CNTN6: variants seen among roughly 807,000 people sequenced by gnomAD.
CNTN6 encodes the protein contactin 6.
Under a neutral mutation model 122.8 loss-of-function variants are expected in CNTN6, and 137 were observed. That is an observed-to-expected ratio of 1.12 (90% CI 0.97 to 1.29). The LOEUF (loss-of-function observed/expected upper bound fraction) is 1.29, where lower values mean the gene tolerates loss of function less well. Among genes scored for constraint, CNTN6 ranks in the 50% most tolerant of loss-of-function variants. The probability of loss-of-function intolerance (pLI) is 0.00; values close to 1 mark genes in which losing one functional copy is unlikely to be tolerated. For missense variants in CNTN6, 1,634 were observed against 1,223.4 expected (o/e 1.34, Z -5.01); for synonymous variants, 570 against 426.0 (o/e 1.34, Z -4.16).
chr3:1,318,148 ATTCTAGAGGAGT>A (rs1409108527), intron 7 of CNTN6, among the ~76,000 whole-genome samples: 1 of 151,534 alleles, frequency 6.6e-6, no homozygotes, highest in African/African-American at 2.4e-5. Flanking sequence ...AAGAAAGAAA[ATTCTAGAGGAGT>A]TTCTTTCTTA....
chr3:1,399,412 A>AT (rs1436653037), intron 20 of CNTN6, among the ~76,000 whole-genome samples: 1 of 152,132 alleles, frequency 6.6e-6, no homozygotes, highest in Admixed American at 6.6e-5. Flanking sequence ...ATAAATGACA[A>AT]GTACGTTGTA....
At chr3:1,345,467 C>G (rs993934951) in intron 11 of CNTN6, among the ~76,000 whole-genome samples, 4 of 151,968 alleles carry the variant, frequency 2.6e-5, no homozygotes, top group South Asian at 2.1e-4. Flanking sequence ...GAAAGGACAA[C>G]CTTTATTTTG....
chr3:1,271,499 G>A (rs2095026365), intron 4 of CNTN6, among the ~76,000 whole-genome samples: 1 of 152,198 alleles, frequency 6.6e-6, no homozygotes, highest in Non-Finnish European at 1.5e-5. Flanking sequence ...TCTGGTAGTG[G>A]TGATGCACCA....
chr3:1,134,912 C>T lies in CNTN6; in HGVS notation c.-82-13015C>T, dbSNP rs530081530. Among the ~76,000 whole-genome samples, 38 of 152,194 alleles carry T rather than the reference C, an allele frequency of 2.5e-4. No individual in the cohort carries two copies. The East Asian group carries it at 6.8e-3, about 27-fold the overall frequency. ...AAATCTTAGATAATATTTTAGTCCC[C>T]TGCCCTTGGAGAAATGTATCATGAG... On this transcript the variant is annotated intron_variant, in intron 1 of 22. Transcript: ENST00000446702.
chr3:1,272,235 G>A (rs2095038419), intron 4 of CNTN6, among the ~76,000 whole-genome samples: 1 of 152,146 alleles, frequency 6.6e-6, no homozygotes, highest in Admixed American at 6.5e-5. Flanking sequence ...TTTCTTCATA[G>A]CAGTATGAAA....
intron 2 of CNTN6, among the ~76,000 whole-genome samples, chr3:1,156,601 TTTC>T (rs1444680238): frequency 6.7e-6 from 1 of 150,048 alleles, no homozygotes; most frequent in East Asian, 2.0e-4. Context: ...ACTTTCTTTC[TTTC>T]TTTCTTTTTC....
rs557153360 is a variant in CNTN6 at position 1,177,720 on chromosome 3, C to G, written c.55+29657C>G. ...TTTAAAGACATCACTATGTTTTCTT[C>G]TTACATGCATGATTTCTGAAGGGAA... On this transcript the variant is annotated intron_variant, in intron 2 of 22. Coordinates refer to ENST00000446702, the MANE Select transcript of CNTN6 (RefSeq NM_001289080.2). Among the ~76,000 whole-genome samples the G allele has an allele frequency of 4.6e-5, 7 of 151,988 alleles. No homozygotes were observed. The East Asian group carries it at 1.4e-3, about 29-fold the overall frequency.
At chr3:1,347,428 A>AATGG (rs2126059301) in intron 11 of CNTN6, among the ~76,000 whole-genome samples, 1 of 152,262 alleles carries the variant, frequency 6.6e-6, no homozygotes, top group Non-Finnish European at 1.5e-5. Context: ...ACATGAGAGA[A>AATGG]ATGGCGTTAT....
intron 2 of CNTN6, among the ~76,000 whole-genome samples, chr3:1,191,239 T>C (rs2093697814): frequency 6.6e-6 from 1 of 152,044 alleles, no homozygotes; most frequent in Non-Finnish European, 1.5e-5. Flanking sequence ...AGGAGTGTCA[T>C]TTGTTCTAAT....
intron 4 of CNTN6, among the ~76,000 whole-genome samples, chr3:1,233,905 C>G (rs1350630879): frequency 6.6e-6 from 1 of 152,024 alleles, no homozygotes; most frequent in Non-Finnish European, 1.5e-5. Context: ...TGAACGAATT[C>G]TTGCACCACA....
chr3:1,098,841 G>A (rs543213786), intron 1 of CNTN6, among the ~76,000 whole-genome samples: 22 of 128,304 alleles, frequency 1.7e-4, no homozygotes, highest in Non-Finnish European at 3.0e-4. Flanking sequence ...AAGTATTCAG[G>A]TAAGGATTAA....
intron 1 of CNTN6, among the ~76,000 whole-genome samples, chr3:1,122,355 G>T (rs1041301347): frequency 1.7e-5 from 2 of 120,900 alleles, no homozygotes; most frequent in African/African-American, 3.8e-5. Flanking sequence ...AGGGAAGGAG[G>T]GAAGGAGGAA....
At chr3:1,363,313 T>C (rs1707745059) in intron 12 of CNTN6, among the ~76,000 whole-genome samples, 1 of 151,918 alleles carries the variant, frequency 6.6e-6, no homozygotes, top group Admixed American at 6.6e-5. Flanking sequence ...AGTATACAGA[T>C]ATATATATAC....
rs573436411 is a variant in CNTN6, at chr3:1,352,389, A to T, written c.1430A>T (p.Tyr477Phe). The T allele has an allele frequency of 2.5e-6, 4 of 1,606,850 alleles. No individual in the cohort carries two copies. In the East Asian group the frequency reaches 6.7e-5, roughly 27 times the overall value. Residue 477 changes from tyrosine (Y) to phenylalanine (F), a missense_variant, in exon 12 of 23, where the codon TAT becomes TTT. Coordinates refer to ENST00000446702, the MANE Select transcript of CNTN6 (RefSeq NM_001289080.2). ...YNITRSDAGS[Y>F]TCIATNQFGT... is the part of the protein sequence containing the mutation. ...ATTACCAGGTCAGATGCTGGATCAT[A>T]TACATGCATAGCCACAAATCAGTTT...
In CNTN6 at chr3:1,228,754, C is replaced by A. The variant is rs189442716; in HGVS notation, c.358+761C>A. Reference sequence around the variant, plus strand: ...GGAACCAAAAAGTGAGCTGCTATACCTGCAGGGCTCATAGAAATGTCTATA... The same window carrying A: ...GGAACCAAAAAGTGAGCTGCTATACATGCAGGGCTCATAGAAATGTCTATA... On this transcript the variant is annotated intron_variant, in intron 4 of 22. Coordinates refer to ENST00000446702, the MANE Select transcript of CNTN6 (RefSeq NM_001289080.2). 8.5e-5 allele frequency among the ~76,000 whole-genome samples: 13 copies of A among 152,272 alleles called. No homozygotes were observed. The East Asian group carries it at 1.4e-3, about 16-fold the overall frequency.
chr3:1,247,727 C>T (rs919530619), intron 4 of CNTN6, among the ~76,000 whole-genome samples: 6 of 152,104 alleles, frequency 3.9e-5, no homozygotes, highest in South Asian at 2.1e-4. Context: ...TGGGTGATTC[C>T]GTGGATTATA....
In CNTN6 at chr3:1,403,784, CCAGA is replaced by C. The variant is rs1383542279; in HGVS notation, c.*369_*372del. 1.3e-5 allele frequency: 2 copies of C among 155,598 alleles called. No homozygotes were observed. The highest frequency in any genetic ancestry group is 4.8e-5 in the African/African-American group (2 of 41,540). 9.6% of individuals were successfully genotyped at this position (155,598 alleles called of 1,614,324 possible). On this transcript the variant is annotated 3_prime_UTR_variant, in exon 23 of 23. Transcript: ENST00000446702. ...ACTCACATGTACATTTTTATGTATT[CCAGA>C]CAATCACTTCAGTATTTAAAATTTC...
chr3:1,286,744 A>G (rs573447955), intron 5 of CNTN6, among the ~76,000 whole-genome samples: 4 of 152,272 alleles, frequency 2.6e-5, no homozygotes, highest in South Asian at 2.1e-4. Flanking sequence ...CAAATTGGAT[A>G]AAGAGTCAAG....
chr3:1,263,525 A>G (rs953214096), intron 4 of CNTN6, among the ~76,000 whole-genome samples: 4 of 152,242 alleles, frequency 2.6e-5, no homozygotes, highest in Non-Finnish European at 4.4e-5. Context: ...TAGCTACCAC[A>G]TGTTTCCAGG....
Sources: gnomAD v4.1 joint callset for allele counts (sites outside exome capture counted in the v4.1 genomes callset) on GRCh38, gnomAD v4.1.1 for gene constraint, MANE v1.5 for transcripts, NCBI Gene and HGNC (gene_info 2026-07-23, HGNC 2026-07-21) for gene names.